Variants in TMEM132D observed in about 807,000 individuals in gnomAD.
The protein encoded by TMEM132D is mature OL transmembrane protein.
A neutral mutation model predicts 62.3 loss-of-function variants in TMEM132D; 21 were observed. The observed-to-expected ratio is 0.34, with a 90% CI of 0.24 to 0.49. The LOEUF is 0.49. Among genes scored for constraint, TMEM132D ranks in the 20% least tolerant of loss-of-function variants. The pLI is 0.99. For synonymous variants in TMEM132D, 621 were observed against 575.6 expected, an observed-to-expected ratio of 1.08 and a Z score of -1.13; for missense variants, 1,346 against 1,402.8, an observed-to-expected ratio of 0.96 and a Z score of 0.65.
chr12:129,881,910 A>G (rs1874608663), intron 1 of TMEM132D, among the ~76,000 whole-genome samples: 1 of 152,072 alleles, frequency 6.6e-6, no homozygotes, highest in Admixed American at 6.5e-5. Context: ...AGAGTAAAGA[A>G]ACATATTGCT....
intron 1 of TMEM132D, among the ~76,000 whole-genome samples, chr12:129,800,965 G>A (rs1871756196): frequency 6.6e-6 from 1 of 152,152 alleles, no homozygotes; most frequent in Admixed American, 6.5e-5. Context: ...GACGGCACCT[G>A]GAAAATCAGG....
intron 3 of TMEM132D, among the ~76,000 whole-genome samples, chr12:129,380,029 G>A (rs1870893301): frequency 6.6e-6 from 1 of 152,136 alleles, no homozygotes; most frequent in Non-Finnish European, 1.5e-5. Context: ...GAGTCTAAAA[G>A]AGACCTTTTA....
intron 3 of TMEM132D, among the ~76,000 whole-genome samples, chr12:129,340,605 G>A (rs1869442029): frequency 6.6e-6 from 1 of 152,086 alleles, no homozygotes; most frequent in South Asian, 2.1e-4. Flanking sequence ...CTGGTTTCCA[G>A]CTTCATCCAT....
chr12:129,122,575 A>G (rs1876098446), intron 5 of TMEM132D, among the ~76,000 whole-genome samples: 1 of 152,188 alleles, frequency 6.6e-6, no homozygotes, highest in South Asian at 2.1e-4. Context: ...GTCAAACCCC[A>G]AGAGGGTAAA....
intron 3 of TMEM132D, among the ~76,000 whole-genome samples, chr12:129,416,270 A>C (rs555328389): frequency 1.3e-4 from 20 of 152,148 alleles, no homozygotes; most frequent in Non-Finnish European, 2.5e-4. Flanking sequence ...GAGGTCCTTC[A>C]TGTCCCCTGT....
rs375433074 is a variant in TMEM132D, at chr12:129,390,564, T to G, written c.1116-52747A>C. ...TCAACCATAAAGAAGAACTGAGTGC[T>G]TTGTGTTCCTGAGAAGTTCAGGGTT... On this transcript the variant is annotated intron_variant, in intron 3 of 8. Transcript: ENST00000422113. Among the ~76,000 whole-genome samples, 2 of 152,306 alleles carry G rather than the reference T, an allele frequency of 1.3e-5. 1 individual carries two copies. The highest frequency in any genetic ancestry group is 4.8e-5 in the African/African-American group (2 of 41,558).
rs138362847 is a variant in TMEM132D, at chr12:129,776,361, T to C, written c.80-75663A>G. On this transcript the variant is annotated intron_variant, in intron 1 of 8. Coordinates refer to ENST00000422113, the MANE Select transcript of TMEM132D (RefSeq NM_133448.3). ...ACTGCTGAAAAGATTTGACGGAAGT[T>C]GCCACTTGGGAAGCTTTTTTTGGAA... Among the ~76,000 whole-genome samples, 253 of 152,248 alleles carry C rather than the reference T, an allele frequency of 1.7e-3. 2 individuals carry two copies. The highest frequency in any genetic ancestry group is 5.8e-3 in the African/African-American group (240 of 41,558).
intron 4 of TMEM132D, among the ~76,000 whole-genome samples, chr12:129,266,601 CT>C (rs1456914937): frequency 2.7e-5 from 4 of 146,334 alleles, no homozygotes. Context: ...TTCCCCTCCC[CT>C]CCCTTCCCTT....
intron 5 of TMEM132D, among the ~76,000 whole-genome samples, chr12:129,094,026 T>C (rs1259587751): frequency 1.3e-5 from 2 of 151,958 alleles, no homozygotes; most frequent in African/African-American, 2.4e-5. Flanking sequence ...ATACAAAAAT[T>C]AATTCAAGAT....
chr12:129,110,401 C>T (rs1411499834), intron 5 of TMEM132D: 2 of 152,190 alleles, frequency 1.3e-5, no homozygotes, highest in Non-Finnish European at 2.9e-5. Context: ...GACCATGAAG[C>T]CTTTTGATTC....
rs1224468933 is a variant in TMEM132D, at chr12:129,194,453, A to C, written c.1443+15067T>G. On this transcript the variant is annotated intron_variant, in intron 5 of 8. Transcript: ENST00000422113. ...AAGGAAACAACAGACCTGGGGGTCT[A>C]CGTGAGGGTGGAGGGTGGGAGCAGG... Among the ~76,000 whole-genome samples the C allele has an allele frequency of 1.3e-5, 2 of 152,196 alleles. 1 individual carries two copies. The highest frequency in any genetic ancestry group is 3.9e-4 in the East Asian group (2 of 5,188).
At chr12:129,746,263 T>C (rs1056108470) in intron 1 of TMEM132D, among the ~76,000 whole-genome samples, 8 of 152,218 alleles carry the variant, frequency 5.3e-5, no homozygotes, top group Non-Finnish European at 1.2e-4. Context: ...AAAGAGTCTG[T>C]GTCTCATCTT....
At chr12:129,303,829 G>A (rs1299040080) in intron 4 of TMEM132D, among the ~76,000 whole-genome samples, 1 of 151,916 alleles carries the variant, frequency 6.6e-6, no homozygotes, top group Non-Finnish European at 1.5e-5. Context: ...TGGGTGGGTG[G>A]GTTGAGGGGG....
intron 3 of TMEM132D, among the ~76,000 whole-genome samples, chr12:129,520,284 T>C (rs1875811930): frequency 6.6e-6 from 1 of 152,186 alleles, no homozygotes; most frequent in African/African-American, 2.4e-5. Flanking sequence ...TTGATTCTCT[T>C]AAGGAGAAAG....
intron 4 of TMEM132D, among the ~76,000 whole-genome samples, chr12:129,240,489 G>T (rs960606551): frequency 2.6e-5 from 4 of 152,178 alleles, no homozygotes; most frequent in African/African-American, 9.7e-5. Flanking sequence ...TGTCCCAAAT[G>T]AGGATGTATC....
intron 4 of TMEM132D, 111 bp downstream of exon 4, chr12:129,337,523 C>T (rs1869330869): frequency 1.5e-6 from 2 of 1,328,994 alleles, no homozygotes; most frequent in African/African-American, 1.5e-5. Flanking sequence ...TCTCACTGTC[C>T]TGATTCTTGG....
chr12:129,210,861 T>C (rs1308816187), intron 4 of TMEM132D: 2 of 152,330 alleles, frequency 1.3e-5, no homozygotes, highest in East Asian at 3.9e-4. Flanking sequence ...GGCACACCTA[T>C]GCCTCGGTGG....
At chr12:129,849,524 T>C (rs914899496) in intron 1 of TMEM132D, among the ~76,000 whole-genome samples, 1 of 152,196 alleles carries the variant, frequency 6.6e-6, no homozygotes, top group Non-Finnish European at 1.5e-5. Flanking sequence ...AACACAGCTA[T>C]AGATGATGAC....
At chr12:129,723,749 A>G (rs1868929062) in intron 1 of TMEM132D, among the ~76,000 whole-genome samples, 1 of 152,136 alleles carries the variant, frequency 6.6e-6, no homozygotes, top group Non-Finnish European at 1.5e-5. Context: ...TCGTCTCTCA[A>G]AGTAGCCCTT....
Sources: allele counts gnomAD v4.1 joint callset (sites outside exome capture counted in the v4.1 genomes callset), GRCh38; gene constraint gnomAD v4.1.1; transcripts MANE v1.5; gene names NCBI Gene and HGNC (gene_info 2026-07-23, HGNC 2026-07-21).